Variants in LPAR6 observed in about 807,000 individuals in gnomAD.
LPAR6 encodes the protein lysophosphatidic acid receptor 6, also known as G-protein coupled purinergic receptor P2Y5.
A neutral mutation model predicts 22.0 loss-of-function variants in LPAR6; 17 were observed. That is an observed-to-expected ratio of 0.77 (90% CI 0.53 to 1.16). The LOEUF (loss-of-function observed/expected upper bound fraction) is 1.16, where lower values mean the gene tolerates loss of function less well. LPAR6 is among the 50% of genes most tolerant of loss of function. The pLI, the probability that LPAR6 is intolerant of heterozygous loss-of-function variation, is 0.00. For synonymous variants in LPAR6, 136 were observed against 139.8 expected, an observed-to-expected ratio of 0.97 and a Z score of 0.19; for missense variants, 384 against 406.9, an observed-to-expected ratio of 0.94 and a Z score of 0.48.
intron 1 of LPAR6, among the ~76,000 whole-genome samples, chr13:48,397,505 C>G (rs892699477): frequency 6.6e-5 from 10 of 151,886 alleles, no homozygotes; most frequent in African/African-American, 2.4e-4. Context: ...GGGTGCGGGT[C>G]TAAGGGAGGG....
chr13:48,435,538 C>T (rs1949174726), intron 1 of LPAR6, among the ~76,000 whole-genome samples: 1 of 152,146 alleles, frequency 6.6e-6, no homozygotes, highest in African/African-American at 2.4e-5. Context: ...ATCTTCTTCA[C>T]ATCATGTTTC....
intron 1 of LPAR6, among the ~76,000 whole-genome samples, chr13:48,443,407 A>G (rs557569188): frequency 2.0e-5 from 3 of 152,026 alleles, no homozygotes; most frequent in Non-Finnish European, 2.9e-5. Context: ...TTTAATATCT[A>G]TAAACTTCAA....
upstream of LPAR6, among the ~76,000 whole-genome samples, chr13:48,431,292 A>G (rs185771993): frequency 7.6e-4 from 115 of 152,304 alleles, no homozygotes; most frequent in African/African-American, 2.7e-3. Flanking sequence ...AAAAATGACT[A>G]TACATTTGAT....
At chr13:48,399,919 T>A (rs2138178137) in intron 1 of LPAR6, among the ~76,000 whole-genome samples, 1 of 152,152 alleles carries the variant, frequency 6.6e-6, no homozygotes, top group Non-Finnish European at 1.5e-5. Context: ...GAAATATTCA[T>A]AACTTGTCTA....
intron 1 of LPAR6, among the ~76,000 whole-genome samples, chr13:48,437,588 G>C (rs768468326): frequency 6.6e-6 from 1 of 152,148 alleles, no homozygotes; most frequent in Admixed American, 6.5e-5. Flanking sequence ...AAGTTCACTC[G>C]TGTGGTTGTT....
intron 1 of LPAR6, among the ~76,000 whole-genome samples, chr13:48,425,976 G>C (rs1221137403): frequency 6.6e-6 from 1 of 152,188 alleles, no homozygotes; most frequent in East Asian, 1.9e-4. Flanking sequence ...GTCCTCACAA[G>C]AAGTACCCAA....
chr13:48,419,230 A>G (rs998324253), intron 2 of LPAR6, among the ~76,000 whole-genome samples: 7 of 152,200 alleles, frequency 4.6e-5, no homozygotes, highest in Admixed American at 2.0e-4. Context: ...GGATTAAGAA[A>G]CTCACTCAAA....
At chr13:48,435,521 TTTC>T (rs1949174546) in intron 1 of LPAR6, among the ~76,000 whole-genome samples, 5 of 152,204 alleles carry the variant, frequency 3.3e-5, no homozygotes, top group Admixed American at 2.0e-4. Flanking sequence ...CTGTAGCTTC[TTTC>T]TTCATCTTCT....
intron 1 of LPAR6, among the ~76,000 whole-genome samples, chr13:48,404,534 T>C (rs1566207806): frequency 6.6e-6 from 1 of 151,976 alleles, no homozygotes; most frequent in Admixed American, 6.6e-5. Context: ...TGGATACTTT[T>C]TGTTTTTTTT....
chr13:48,409,875 G>A (rs944674890), downstream of LPAR6, among the ~76,000 whole-genome samples: 6 of 151,844 alleles, frequency 4.0e-5, no homozygotes, highest in East Asian at 1.9e-4. Context: ...CACCGTGCCC[G>A]GCCTGAATTT....
chr13:48,424,277 A>G (rs117823633), intron 1 of LPAR6, among the ~76,000 whole-genome samples: 2,330 of 152,354 alleles, frequency 0.015, 28 homozygotes, highest in South Asian at 0.026. Context: ...GTCTATCGGT[A>G]TCATTTCGAA....
upstream of LPAR6, among the ~76,000 whole-genome samples, chr13:48,430,551 C>A (rs569984791): frequency 1.2e-4 from 18 of 152,188 alleles, no homozygotes; most frequent in African/African-American, 4.3e-4. Context: ...ACCAGCCTAG[C>A]TAACGTGGTG....
rs199707535 is a variant in LPAR6, at chr13:48,412,226, A to G, written c.198T>C (p.Phe66=). ...AAATCCTGAAGGGTAAAGTAAAAAC[A>G]AAAAGCAAGTCTGACATTGCCAAGT... ...MINLAMSDLL[F]VFTLPFRIFY... The change falls in exon 1 of 1, where the codon TTT becomes TTC. Residue 66 remains phenylalanine, a synonymous_variant. Transcript: ENST00000620633. The G allele has an allele frequency of 1.2e-6, 2 of 1,614,110 alleles. No individual in the cohort carries two copies. Among genetic ancestry groups the G allele is most frequent in the African/African-American group, 1.3e-5 (1 of 75,068 alleles).
chr13:48,391,308 A>G (rs1366910374), intron 1 of LPAR6: 2 of 152,198 alleles, frequency 1.3e-5, no homozygotes, highest in Admixed American at 1.3e-4. Context: ...AAGCTCTACA[A>G]TACACTCATA....
At chr13:48,436,661 T>G (rs567734108) in intron 1 of LPAR6, among the ~76,000 whole-genome samples, 1 of 151,456 alleles carries the variant, frequency 6.6e-6, no homozygotes, top group East Asian at 1.9e-4. Flanking sequence ...AAAATCATGA[T>G]AGTGGCTCAG....
At chr13:48,404,557 C>T (rs1189100592) in intron 1 of LPAR6, among the ~76,000 whole-genome samples, 1 of 151,824 alleles carries the variant, frequency 6.6e-6, no homozygotes, top group African/African-American at 2.4e-5. Context: ...ATGACAGTCT[C>T]GCTCTGTCGC....
chr13:48,399,566 T>C (rs1371320250), intron 1 of LPAR6, among the ~76,000 whole-genome samples: 1 of 152,056 alleles, frequency 6.6e-6, no homozygotes, highest in Non-Finnish European at 1.5e-5. Flanking sequence ...AAAATAACTT[T>C]CTTCATCATT....
chr13:48,433,377 A>G (rs998038386), intron 1 of LPAR6, among the ~76,000 whole-genome samples: 10 of 152,118 alleles, frequency 6.6e-5, no homozygotes, highest in African/African-American at 1.7e-4. Flanking sequence ...AGAAGCATTA[A>G]AATTCTTATT....
At chr13:48,416,490 C>T (rs1230154035), upstream of LPAR6, 1 of 152,820 alleles carries the variant, frequency 6.5e-6, no homozygotes, top group Non-Finnish European at 1.5e-5. Context: ...GGGTTTCAAG[C>T]ACAAAACTGG....
Sources: gnomAD v4.1 joint callset for allele counts (sites outside exome capture counted in the v4.1 genomes callset) on GRCh38, gnomAD v4.1.1 for gene constraint, MANE v1.5 for transcripts, NCBI Gene and HGNC (gene_info 2026-07-23, HGNC 2026-07-21) for gene names.